The following PCDHGA2 variants were observed in gnomAD, a reference collection of about 807,000 sequenced individuals.
PCDHGA2 encodes protocadherin gamma-A2.
A neutral mutation model predicts 59.2 loss-of-function variants in PCDHGA2; 40 were observed. That is an observed-to-expected ratio of 0.68 (90% CI 0.52 to 0.88). The LOEUF (loss-of-function observed/expected upper bound fraction) is 0.88, where lower values mean the gene tolerates loss of function less well. PCDHGA2 is among the 40% of genes least tolerant of loss of function. The pLI, the probability that PCDHGA2 is intolerant of heterozygous loss-of-function variation, is 0.00. For synonymous variants in PCDHGA2, 560 were observed against 526.0 expected (o/e 1.06, Z -0.89); for missense variants, 1,226 against 1,204.0 (o/e 1.02, Z -0.27).
chr5:141,389,991 G>T (rs561094692), intron 1 of PCDHGA2: 2 of 1,614,016 alleles, frequency 1.2e-6, no homozygotes, highest in African/African-American at 2.7e-5. Flanking sequence ...GCTCTTCCTC[G>T]TGGCCATGAT....
intron 1 of PCDHGA2, chr5:141,382,848 A>G (rs543706507): frequency 5.5e-4 from 813 of 1,490,648 alleles, no homozygotes; most frequent in Non-Finnish European, 6.7e-4. Flanking sequence ...ATACACCCGC[A>G]TTCTGAAGCA....
chr5:141,469,517 G>A (rs1416478511), intron 1 of PCDHGA2, among the ~76,000 whole-genome samples: 1 of 152,198 alleles, frequency 6.6e-6, no homozygotes, highest in Non-Finnish European at 1.5e-5. Flanking sequence ...GGAGGTTGCA[G>A]TGAGCCAAGA....
intron 1 of PCDHGA2, among the ~76,000 whole-genome samples, chr5:141,458,513 G>GTT (rs537551567): frequency 7.5e-5 from 11 of 146,196 alleles, no homozygotes; most frequent in African/African-American, 2.2e-4. Flanking sequence ...TTGACACTTT[G>GTT]TTTTTTTTTT....
intron 1 of PCDHGA2, 157 bp from the exon 2 acceptor site, chr5:141,494,650 T>G (rs1366776271): frequency 1.0e-6 from 1 of 960,138 alleles, no homozygotes; most frequent in East Asian, 1.1e-4. Context: ...CTGAGGTGTA[T>G]TTTGTCTTTG....
In PCDHGA2 at chr5:141,409,316, C is replaced by T. The variant is rs114361948; in HGVS notation, c.2424+67921C>T. 56 of 1,613,968 alleles carry T rather than the reference C, an allele frequency of 3.5e-5. No individual in the cohort carries two copies. The African/African-American group carries it at 6.5e-4, about 19-fold the overall frequency. On this transcript the variant is annotated intron_variant, in intron 1 of 3. Transcript: ENST00000394576. ...AATGGTTGTTGCCCTCTTCAAAACA[C>T]GGGATCTGGATTTCGGAGGAAATGG...
intron 1 of PCDHGA2, chr5:141,346,330 G>C: frequency 6.2e-7 from 1 of 1,614,238 alleles, no homozygotes; most frequent in South Asian, 1.1e-5. Flanking sequence ...TCGCGGAAGA[G>C]CCACCTGATT....
intron 1 of PCDHGA2, chr5:141,426,194 T>C (rs1482565872): frequency 6.4e-6 from 1 of 155,380 alleles, no homozygotes; most frequent in Non-Finnish European, 1.4e-5. Context: ...ACTGGGAGCA[T>C]TGAGTTTTCT....
chr5:141,466,344 T>G (rs1036472951), intron 1 of PCDHGA2, among the ~76,000 whole-genome samples: 5 of 152,106 alleles, frequency 3.3e-5, no homozygotes, highest in African/African-American at 4.8e-5. Flanking sequence ...ATAATTTTTT[T>G]GCAGCTAATC....
In PCDHGA2 at chr5:141,501,176, T is replaced by C. The variant is rs917315609; in HGVS notation, c.2484-4217T>C. ...GCCACCATCCCCAGCCTCATTTACA[T>C]TTTAACACAATTAAATTCAGGGTGT... On this transcript the variant is annotated intron_variant, in intron 2 of 3. Coordinates refer to ENST00000394576, the MANE Select transcript of PCDHGA2 (RefSeq NM_018915.4). Among the ~76,000 whole-genome samples, 16 of 152,244 alleles carry C rather than the reference T, an allele frequency of 1.1e-4. No homozygotes were observed. In the South Asian group the frequency reaches 3.3e-3, roughly 32 times the overall value.
intron 1 of PCDHGA2, among the ~76,000 whole-genome samples, chr5:141,451,804 C>G (rs914303400): frequency 9.2e-5 from 14 of 151,946 alleles, no homozygotes; most frequent in African/African-American, 3.4e-4. Context: ...TTGCTTGAAC[C>G]CAGGAGGCGG....
chr5:141,439,056 T>C (rs2098084461), intron 1 of PCDHGA2, among the ~76,000 whole-genome samples: 1 of 151,260 alleles, frequency 6.6e-6, no homozygotes, highest in Non-Finnish European at 1.5e-5. Flanking sequence ...TTCCATATTG[T>C]GTGGCAGGCG....
intron 2 of PCDHGA2, among the ~76,000 whole-genome samples, chr5:141,495,720 G>A (rs1048453188): frequency 2.6e-5 from 4 of 152,080 alleles, no homozygotes; most frequent in Non-Finnish European, 5.9e-5. Context: ...GTAACTACAC[G>A]GGACCCTTAG....
At position 141,340,001 on chromosome 5, in the gene PCDHGA2, G is replaced by T; in HGVS notation, c.1030G>T (p.Ala344Ser). 6.2e-7 allele frequency: 1 copy of T among 1,614,146 alleles called. No individual in the cohort carries two copies. The highest frequency in any genetic ancestry group is 8.5e-7 in the Non-Finnish European group (1 of 1,180,010). The change falls in exon 1 of 4, where the codon GCC becomes TCC. Residue 344 changes from alanine to serine, a missense_variant. Physicochemically the swap from Ala to Ser is moderately conservative, Grantham distance 99 (BLOSUM62 1). Transcript: ENST00000394576. ...IVTVLDVNDN[A>S]PEFYMTSATS... ...CACGGTTCTGGATGTGAATGACAAT[G>T]CCCCAGAATTTTACATGACATCTGC...
chr5:141,421,880 G>A (rs761272704), intron 1 of PCDHGA2: 3 of 1,613,600 alleles, frequency 1.9e-6, no homozygotes, highest in East Asian at 4.5e-5. Flanking sequence ...GCTTTAGATG[G>A]AGGCGATCCC....
intron 1 of PCDHGA2, chr5:141,398,010 G>T (rs10045443): frequency 0.24 from 331,899 of 1,407,782 alleles, 42,930 homozygotes; most frequent in African/African-American, 0.51. Flanking sequence ...AAAAAGAATC[G>T]TTTCCTAAAC....
At position 141,491,725 on chromosome 5, in the gene PCDHGA2, G is replaced by A. The variant is rs1008933711; in HGVS notation, c.2425-3082G>A. The A allele has an allele frequency of 6.2e-7, 1 of 1,606,496 alleles. No homozygotes were observed. The highest frequency in any genetic ancestry group is 1.3e-5 in the African/African-American group (1 of 74,728). On this transcript the variant is annotated intron_variant, in intron 1 of 3. Coordinates refer to ENST00000394576, the MANE Select transcript of PCDHGA2 (RefSeq NM_018915.4). The surrounding 1 kb of genome is among the most constrained non-coding windows in gnomAD (Gnocchi z 6.9). ...GGTGAGGGGCTCGGCGCCGCCCCGGGCGACCCCTGGGGGCGGCACTGGAGA... is the reference window on the plus strand; with the variant it reads ...GGTGAGGGGCTCGGCGCCGCCCCGGACGACCCCTGGGGGCGGCACTGGAGA...
In PCDHGA2 at chr5:141,345,040, C is replaced by T. The variant is rs749420304; in HGVS notation, c.2424+3645C>T. 51 of 1,613,942 alleles carry T rather than the reference C, an allele frequency of 3.2e-5. 1 individual carries two copies. The South Asian group carries it at 4.3e-4, about 14-fold the overall frequency. On this transcript the variant is annotated intron_variant, in intron 1 of 3. Coordinates refer to ENST00000394576, the MANE Select transcript of PCDHGA2 (RefSeq NM_018915.4). The stretch of plus-strand genomic sequence containing the variant: ...CTTTCAAGAGCCAAGATTCTAGTCA[C>T]GGTTCTGGATGTGAATGACAATGCT...
At position 141,408,901 on chromosome 5, in the gene PCDHGA2, G is replaced by A. The variant is rs529239605; in HGVS notation, c.2424+67506G>A. On this transcript the variant is annotated intron_variant, in intron 1 of 3. Transcript: ENST00000394576. ...CCGCTCACATAGAAATTTCTGTCAA[G>A]GATACCAATGATAACCCCCCGGTTT... 269 of 1,613,216 alleles carry A rather than the reference G, an allele frequency of 1.7e-4. 6 individuals carry two copies. The South Asian group carries it at 2.8e-3, about 17-fold the overall frequency.
chr5:141,382,988 G>T (rs958046112), intron 1 of PCDHGA2: 2 of 1,613,090 alleles, frequency 1.2e-6, no homozygotes, highest in African/African-American at 2.7e-5. Context: ...TGGGCAGGAC[G>T]TATTCTCTAC....
Sources: gnomAD v4.1 joint callset for allele counts (sites outside exome capture counted in the v4.1 genomes callset) on GRCh38, gnomAD v4.1.1 for gene constraint, Gnocchi (gnomAD v3.1) non-coding constraint, MANE v1.5 for transcripts, NCBI Gene and HGNC (gene_info 2026-07-23, HGNC 2026-07-21) for gene names.